Variants in KLHL1 observed in about 807,000 individuals in gnomAD.
The protein encoded by KLHL1 is kelch like family member 1.
In KLHL1, 47 loss-of-function variants were observed where a neutral mutation model predicts 77.7. That is an observed-to-expected ratio of 0.60 (90% CI 0.48 to 0.77). KLHL1 has a LOEUF of 0.77. Ranked by LOEUF, KLHL1 falls within the 30% of genes least tolerant of loss-of-function variation. The pLI, the probability that KLHL1 is intolerant of heterozygous loss-of-function variation, is 0.00. For synonymous variants in KLHL1, 360 were observed against 325.2 expected (o/e 1.11, Z -1.15); for missense variants, 925 against 910.8 (o/e 1.02, Z -0.20).
chr13:70,074,642 T>C (rs796216399), intron 1 of KLHL1, among the ~76,000 whole-genome samples: 21 of 152,076 alleles, frequency 1.4e-4, no homozygotes, highest in Admixed American at 5.9e-4. Context: ...TCAGAGCCTT[T>C]AATATTCTGA....
intron 6 of KLHL1, among the ~76,000 whole-genome samples, chr13:69,807,138 T>A (rs74422427): frequency 0.011 from 1,605 of 152,272 alleles, 28 homozygotes; most frequent in African/African-American, 0.037. Context: ...AACCATGTCA[T>A]CCCATGCATA....
chr13:69,752,434 A>T lies in KLHL1; in HGVS notation c.1640-11878T>A, dbSNP rs192469654. Reference sequence around the variant, plus strand: ...TAAATTAGCAAAATATATTTTGTTAATTATATTAATATGTATCATGAAAAT... The same window carrying T: ...TAAATTAGCAAAATATATTTTGTTATTTATATTAATATGTATCATGAAAAT... On this transcript the variant is annotated intron_variant, in intron 7 of 10. Transcript: ENST00000377844. 3.0e-3 allele frequency among the ~76,000 whole-genome samples: 458 copies of T among 152,268 alleles called. 1 individual carries two copies. The highest frequency in any genetic ancestry group is 0.01 in the Middle Eastern group (3 of 294).
At chr13:69,839,412 A>T (rs1879155830) in intron 5 of KLHL1, among the ~76,000 whole-genome samples, 1 of 152,006 alleles carries the variant, frequency 6.6e-6, no homozygotes, top group Admixed American at 6.6e-5. Context: ...AAAAACACTT[A>T]TAGTGATCAG....
At chr13:70,097,425 G>C (rs576792423) in intron 1 of KLHL1, among the ~76,000 whole-genome samples, 7 of 152,008 alleles carry the variant, frequency 4.6e-5, no homozygotes, top group Middle Eastern at 3.4e-3. Flanking sequence ...GTAATAAACA[G>C]TAAAGAAAAG....
intron 4 of KLHL1, among the ~76,000 whole-genome samples, chr13:69,926,598 C>T (rs1348703451): frequency 1.3e-5 from 2 of 151,742 alleles, no homozygotes; most frequent in Admixed American, 1.3e-4. Flanking sequence ...AAGATAATAC[C>T]AATTTCATAT....
chr13:69,785,371 A>G (rs1277375765), intron 7 of KLHL1, among the ~76,000 whole-genome samples: 13 of 152,186 alleles, frequency 8.5e-5, no homozygotes, highest in Non-Finnish European at 2.9e-5. Flanking sequence ...CCACTCAACT[A>G]CATGGAAACT....
Position 69,701,153 on chromosome 13 carries a change from T to C in KLHL1, c.*549A>G, listed in dbSNP as rs1536943. The stretch of plus-strand genomic sequence containing the variant: ...TGCAAGATACAAGCATGAATCTGTT[T>C]CTCTAATTGTTCTCATAGCTTAGGA... On this transcript the variant is annotated 3_prime_UTR_variant, in exon 11 of 11. Transcript: ENST00000377844. 75,682 of 151,942 alleles carry C rather than the reference T, an allele frequency of 0.5. 20,107 individuals carry two copies. The highest frequency in any genetic ancestry group is 0.68 in the East Asian group (3,478 of 5,152). The allele number at this position is 151,942 out of a possible 1,614,324, so 9.4% of individuals were successfully genotyped here. A position where few individuals can be genotyped will look rare whatever the true frequency, so the allele number is the denominator to read the frequency against.
intron 1 of KLHL1, among the ~76,000 whole-genome samples, chr13:70,050,327 CT>C (rs978011283): frequency 1.3e-5 from 2 of 151,488 alleles, no homozygotes; most frequent in Non-Finnish European, 3.0e-5. Flanking sequence ...AAGCTTCTAC[CT>C]TTGTATTAAA....
chr13:69,838,201 A>T (rs115238584), intron 6 of KLHL1, among the ~76,000 whole-genome samples: 2,713 of 151,800 alleles, frequency 0.018, 80 homozygotes, highest in African/African-American at 0.061. Flanking sequence ...TAACAATTTT[A>T]AAAAAGATGT....
At chr13:69,948,435 G>T (rs1209467958) in intron 3 of KLHL1, among the ~76,000 whole-genome samples, 1 of 151,954 alleles carries the variant, frequency 6.6e-6, no homozygotes, top group Non-Finnish European at 1.5e-5. Context: ...CAAATAATTG[G>T]TTTTGATCCT....
chr13:70,003,220 T>C (rs977812046), intron 1 of KLHL1, among the ~76,000 whole-genome samples: 2 of 151,712 alleles, frequency 1.3e-5, no homozygotes, highest in Non-Finnish European at 3.0e-5. Flanking sequence ...AGATTGATAA[T>C]CAAATCATAT....
chr13:70,060,550 T>A (rs113143454), intron 1 of KLHL1, among the ~76,000 whole-genome samples: 11,183 of 139,680 alleles, frequency 0.08, 570 homozygotes, highest in Middle Eastern at 0.13. Flanking sequence ...AAAAAAAAAA[T>A]GTGGTATATA....
At chr13:70,025,325 T>C (rs1365639129) in intron 1 of KLHL1, among the ~76,000 whole-genome samples, 5 of 152,098 alleles carry the variant, frequency 3.3e-5, no homozygotes, top group Non-Finnish European at 7.4e-5. Context: ...AGTGGTGATC[T>C]CATTTAGTTG....
intron 7 of KLHL1, among the ~76,000 whole-genome samples, chr13:69,781,614 G>A (rs2138005650): frequency 6.6e-6 from 1 of 151,952 alleles, no homozygotes; most frequent in African/African-American, 2.4e-5. Flanking sequence ...CTTAGGTTTT[G>A]TTTTCTTTTC....
At chr13:69,999,227 T>C (rs1040088549) in intron 1 of KLHL1, among the ~76,000 whole-genome samples, 2 of 152,066 alleles carry the variant, frequency 1.3e-5, no homozygotes, top group African/African-American at 2.4e-5. Flanking sequence ...TGTCATGTTA[T>C]ATGGGTTAGA....
chr13:69,730,789 A>C (rs1873509765), intron 8 of KLHL1, among the ~76,000 whole-genome samples: 3 of 152,084 alleles, frequency 2.0e-5, no homozygotes, highest in Non-Finnish European at 4.4e-5. Flanking sequence ...TACGTTGCCC[A>C]GGCTGGTCTC....
intron 5 of KLHL1, among the ~76,000 whole-genome samples, chr13:69,881,421 G>T (rs746246206): frequency 6.6e-6 from 1 of 152,022 alleles, no homozygotes; most frequent in Non-Finnish European, 1.5e-5. Context: ...TTCAAATGAG[G>T]AATCTGGTGA....
At chr13:69,834,090 A>C (rs1350228522) in intron 6 of KLHL1, among the ~76,000 whole-genome samples, 2 of 151,806 alleles carry the variant, frequency 1.3e-5, no homozygotes, top group Admixed American at 6.6e-5. Flanking sequence ...GAGGGGAGGG[A>C]TGAAAGAGTG....
At chr13:69,823,828 C>G (rs1878438963) in intron 6 of KLHL1, among the ~76,000 whole-genome samples, 1 of 151,964 alleles carries the variant, frequency 6.6e-6, no homozygotes, top group Admixed American at 6.6e-5. Flanking sequence ...TTCTCTCTCT[C>G]TCTCTTATGG....
Sources: gnomAD v4.1 joint callset for allele counts (sites outside exome capture counted in the v4.1 genomes callset) on GRCh38, gnomAD v4.1.1 for gene constraint, MANE v1.5 for transcripts, NCBI Gene and HGNC (gene_info 2026-07-23, HGNC 2026-07-21) for gene names.